FTCD: variants seen among roughly 807,000 people sequenced by gnomAD.
The protein encoded by FTCD is formimidoyltransferase-cyclodeaminase.
FTCD carries 76 observed loss-of-function variants against 62.9 expected under a neutral mutation model. That is an observed-to-expected ratio of 1.21 (90% CI 1.00 to 1.46). The LOEUF is 1.46. Among genes scored for constraint, FTCD ranks in the 40% most tolerant of loss-of-function variants. The pLI, the probability that FTCD is intolerant of heterozygous loss-of-function variation, is 0.00. For missense variants in FTCD, 845 were observed against 751.3 expected (o/e 1.12, Z -1.46); for synonymous variants, 397 against 336.9 (o/e 1.18, Z -1.95).
At chr21:46,138,449 C>A in intron 12 of FTCD, 59 bp downstream of exon 12, 1 of 1,511,850 alleles carries the variant, frequency 6.6e-7, no homozygotes, top group Non-Finnish European at 8.9e-7. Context: ...AGCAACTCAG[C>A]CCCAACAGCT....
Position 46,137,553 on chromosome 21 carries a change from A to C in FTCD, c.1444-219T>G, listed in dbSNP as rs543938655. Among the ~76,000 whole-genome samples the C allele has an allele frequency of 2.0e-5, 3 of 152,282 alleles. No individual in the cohort carries two copies. In the South Asian group the frequency reaches 6.2e-4, roughly 32 times the overall value. On this transcript the variant is annotated intron_variant, in intron 12 of 13. Transcript: ENST00000397746. ...TCCAAGCAGGGCTCAGCCCCACAGG[A>C]GGCCTGGGAGCAGTCACACTGGAGG...
chr21:46,150,258 G>T lies in FTCD; in HGVS notation c.775-8C>A, dbSNP rs746299247. ...CACTGGGAGGCTCAGCTCCTGCCAA[G>T]GCACAGGCAGCGTCACCCCCTGGGG... is the stretch of plus-strand genomic sequence containing the variant. On this transcript the variant is annotated splice_region_variant and splice_polypyrimidine_tract_variant and intron_variant, in intron 6 of 13. Coordinates refer to ENST00000397746, the MANE Select transcript of FTCD (RefSeq NM_206965.2). The T allele has an allele frequency of 5.0e-6, 8 of 1,608,906 alleles. No homozygotes were observed. In the East Asian group the frequency reaches 1.8e-4, roughly 36 times the overall value.
intron 7 of FTCD, among the ~76,000 whole-genome samples, chr21:46,149,605 G>A (rs191231597): frequency 3.9e-5 from 6 of 152,292 alleles, no homozygotes; most frequent in Non-Finnish European, 5.9e-5. Flanking sequence ...AGACCAAGGC[G>A]GACAGCGGCT....
At chr21:46,148,707 TA>T (rs1483164381) in intron 7 of FTCD, among the ~76,000 whole-genome samples, 10 of 152,218 alleles carry the variant, frequency 6.6e-5, no homozygotes, top group Non-Finnish European at 1.5e-4. Flanking sequence ...GAGGCGCTTT[TA>T]AAAGTCTGTC....
At chr21:46,136,552 G>A (rs1309463860), downstream of FTCD, 3 of 1,598,612 alleles carry the variant, frequency 1.9e-6, no homozygotes, top group Non-Finnish European at 2.6e-6. Context: ...TCACAGCCCA[G>A]GGACCTGCAC....
At position 46,151,917 on chromosome 21, in the gene FTCD, C is replaced by G; in HGVS notation, c.431G>C (p.Gly144Ala). The G allele has an allele frequency of 1.3e-6, 2 of 1,568,172 alleles. No individual in the cohort carries two copies. Among genetic ancestry groups the G allele is most frequent in the Non-Finnish European group, 1.7e-6 (2 of 1,157,206 alleles). ...CTTCTTAGGGAGGGCCTCGTACTCC[C>G]CGGCCCGGATGGCCGGCAGGGTCCG... ...SRRTLPAIRA[G>A]EYEALPKKLQ... Residue 144 changes from glycine (G) to alanine (A), a missense_variant, in exon 4 of 14, where the codon GGG becomes GCG. Gly to Ala is a moderately conservative substitution (Grantham distance 60). Coordinates refer to ENST00000397746, the MANE Select transcript of FTCD (RefSeq NM_206965.2).
Position 46,151,682 on chromosome 21 carries a change from C to T in FTCD, c.512G>A (p.Trp171Ter). Reference sequence around the variant, plus strand: ...CCTCGCCCCCGTGGCCGTGGCCCCCCAACTGGGGACAAAGGAGCTGGGACC... The same window carrying T: ...CCTCGCCCCCGTGGCCGTGGCCCCCTAACTGGGGACAAAGGAGCTGGGACC... ...DFGPSSFVPS[W>*]GATATGARKF... Residue 171 changes from tryptophan (W) to a stop codon, truncating the protein, a stop_gained, in exon 5 of 14, where the codon TGG (tryptophan) becomes TAG (stop). Transcript: ENST00000397746. LOFTEE classifies it high-confidence loss of function. 1 of 1,613,042 alleles carries T rather than the reference C, an allele frequency of 6.2e-7. No homozygotes were observed.
At chr21:46,138,677 A>G (rs62214031) in intron 11 of FTCD, 31 bp from the exon 12 acceptor site, 751,800 of 1,581,132 alleles carry the variant, frequency 0.48, 183,236 homozygotes, top group Middle Eastern at 0.57. Context: ...GCCTGAGCAC[A>G]GCGGCACACA....
rs550226544 is a variant in FTCD at position 46,137,032 on chromosome 21, G to A, written c.1581C>T (p.Thr527=). The A allele has an allele frequency of 4.0e-5, 65 of 1,613,684 alleles. 1 individual carries two copies. The South Asian group carries it at 6.4e-4, about 16-fold the overall frequency. The change falls in exon 14 of 14, where the codon ACC becomes ACT. Residue 527 remains threonine, a synonymous_variant. Transcript: ENST00000397746. ...AGCAGTCCAGCACCAGTGCAGCCTG[G>A]GTCTTGGCTTCCTGCAGGAGGCTGG... ...RVSSLLQEAK[T]QAALVLDCLE...
intron 4 of FTCD, 28 bp from the exon 5 acceptor site, chr21:46,151,765 A>AT: frequency 6.2e-7 from 1 of 1,610,816 alleles, no homozygotes; most frequent in Non-Finnish European, 8.5e-7. Context: ...CTGGGGTGAG[A>AT]CATCCCCCAC....
chr21:46,144,244 G>T (rs537082947), intron 10 of FTCD, among the ~76,000 whole-genome samples: 1 of 151,544 alleles, frequency 6.6e-6, no homozygotes, highest in South Asian at 2.1e-4. Flanking sequence ...CTTAGTGGTA[G>T]TGGTCCCCCG....
chr21:46,153,254 G>A lies in FTCD; in HGVS notation c.239-219C>T, dbSNP rs910944478. On this transcript the variant is annotated intron_variant, in intron 2 of 13. Coordinates refer to ENST00000397746, the MANE Select transcript of FTCD (RefSeq NM_206965.2). ...CCCTCCCGGGACAACGGAAGTTCCC[G>A]CACCGTCCTCCCAGCCAGTGTGGGG... 1.5e-4 allele frequency among the ~76,000 whole-genome samples: 23 copies of A among 152,304 alleles called. 1 individual carries two copies. The highest frequency in any genetic ancestry group is 2.1e-4 in the South Asian group (1 of 4,832).
intron 10 of FTCD, chr21:46,142,644 G>A (rs898288911): frequency 6.6e-6 from 1 of 152,242 alleles, no homozygotes; most frequent in Non-Finnish European, 1.5e-5. Flanking sequence ...GCAGCAGCAA[G>A]ATTTAGTTCG....
intron 10 of FTCD, among the ~76,000 whole-genome samples, chr21:46,139,254 T>C (rs955736899): frequency 4.6e-5 from 7 of 152,242 alleles, no homozygotes; most frequent in African/African-American, 1.2e-4. Context: ...GGAGTGGCTC[T>C]GGGCCTGTGT....
intron 11 of FTCD, 102 bp from the exon 12 acceptor site, chr21:46,138,748 TG>T: frequency 1.4e-6 from 2 of 1,463,818 alleles, no homozygotes; most frequent in South Asian, 1.1e-5. Context: ...AAGCGGGCGA[TG>T]GGAAGTCATT....
rs567694618 is a variant in FTCD at position 46,145,314 on chromosome 21, C to G, written c.1260+103G>C. ...GACGCCCTCAGGCCCCTCCTGGTCC[C>G]CAGCCCCTCCCCAGCCGGAGGCTGA... On this transcript the variant is annotated intron_variant, in intron 10 of 13. Transcript: ENST00000397746. 5 of 995,394 alleles carry G rather than the reference C, an allele frequency of 5.0e-6. No individual in the cohort carries two copies. The Admixed American group carries it at 6.9e-5, about 14-fold the overall frequency. The allele number at this position is 995,394 out of a possible 1,614,324, so 61.7% of individuals were successfully genotyped here.
At chr21:46,154,060 G>A (rs530809585) in intron 2 of FTCD, 89 bp downstream of exon 2, 63 of 1,405,564 alleles carry the variant, frequency 4.5e-5, no homozygotes, top group African/African-American at 2.4e-4. Flanking sequence ...CCTGGGCCCC[G>A]GGCCTACCCC....
chr21:46,144,347 G>C (rs1335162356), intron 10 of FTCD, among the ~76,000 whole-genome samples: 11 of 133,682 alleles, frequency 8.2e-5, no homozygotes, highest in African/African-American at 3.1e-4. Context: ...AGACCCTGTA[G>C]GGCTGGCCCC....
In FTCD at chr21:46,145,819, A is replaced by T; in HGVS notation, c.1097T>A (p.Met366Lys). Residue 366 changes from methionine (M) to lysine (K), a missense_variant and splice_region_variant, in exon 9 of 14, where the codon ATG becomes AAG. Transcript: ENST00000397746. ...CCCTGCCCCTCCCCCCGCGCTCACCATGGCCGCAGCGGCCGCCGCCACCGA... is the reference window on the plus strand; with the variant it reads ...CCCTGCCCCTCCCCCCGCGCTCACCTTGGCCGCAGCGGCCGCCGCCACCGA... ...GGSVAAAAAA[M>K]GAALGSMVGL... 2.1e-6 allele frequency: 1 copy of T among 484,798 alleles called. No individual in the cohort carries two copies. The allele number at this position is 484,798 out of a possible 1,614,324, so 30.0% of individuals were successfully genotyped here. A position where few individuals can be genotyped will look rare whatever the true frequency, so the allele number is the denominator to read the frequency against.
Sources: allele counts gnomAD v4.1 joint callset (sites outside exome capture counted in the v4.1 genomes callset), GRCh38; gene constraint gnomAD v4.1.1; transcripts MANE v1.5; gene names NCBI Gene and HGNC (gene_info 2026-07-23, HGNC 2026-07-21).